The following SNX29 variants were observed in gnomAD, a reference collection of about 807,000 sequenced individuals.
SNX29 encodes sorting nexin-29.
Under a neutral mutation model 102.1 loss-of-function variants are expected in SNX29, and 78 were observed. The observed-to-expected ratio is 0.76, with a 90% CI of 0.64 to 0.92. The LOEUF (loss-of-function observed/expected upper bound fraction) is 0.92. Among genes scored for constraint, SNX29 ranks in the 40% least tolerant of loss-of-function variants. SNX29 has a pLI of 0.00. For synonymous variants in SNX29, 580 were observed against 414.5 expected, an observed-to-expected ratio of 1.40 and a Z score of -4.85; for missense variants, 1,280 against 1,061.7, an observed-to-expected ratio of 1.21 and a Z score of -2.86.
In SNX29 at chr16:12,573,751, T is replaced by C; in HGVS notation, c.*5122T>C. 4.5e-6 allele frequency: 1 copy of C among 223,122 alleles called. No individual in the cohort carries two copies. Among genetic ancestry groups the C allele is most frequent in the East Asian group, 6.5e-5 (1 of 15,360 alleles). 13.8% of individuals were successfully genotyped at this position (223,122 alleles called of 1,614,324 possible). A position where few individuals can be genotyped will look rare whatever the true frequency, so the allele number is the denominator to read the frequency against. On this transcript the variant is annotated 3_prime_UTR_variant, in exon 21 of 21. Transcript: ENST00000566228. ...TGGATCGTACATTTGCACCCAGAGC[T>C]ACTAAACGCTCAGTGACCCCAGAGA...
chr16:12,499,241 G>T (rs1019175051), intron 19 of SNX29, among the ~76,000 whole-genome samples: 2 of 152,202 alleles, frequency 1.3e-5, no homozygotes, highest in African/African-American at 4.8e-5. Context: ...TGGCAGGCAG[G>T]TCATGCATTT....
At chr16:12,327,702 T>G (rs762869684) in intron 15 of SNX29, among the ~76,000 whole-genome samples, 1 of 150,170 alleles carries the variant, frequency 6.7e-6, no homozygotes, top group Non-Finnish European at 1.5e-5. Context: ...TAGATGGAGT[T>G]GCTTGGCACA....
intron 1 of SNX29, among the ~76,000 whole-genome samples, chr16:11,989,624 C>G (rs1290138776): frequency 5.3e-5 from 8 of 152,212 alleles, no homozygotes; most frequent in African/African-American, 1.4e-4. Context: ...AAAGTAGCAA[C>G]TTGGGGAGCC....
At chr16:12,192,757 C>T (rs1400186857) in intron 13 of SNX29, among the ~76,000 whole-genome samples, 11 of 152,144 alleles carry the variant, frequency 7.2e-5, no homozygotes. Context: ...GGCTGGAGTT[C>T]AATGGCACGA....
At chr16:12,158,288 C>G (rs2055639429) in intron 13 of SNX29, among the ~76,000 whole-genome samples, 1 of 152,142 alleles carries the variant, frequency 6.6e-6, no homozygotes, top group South Asian at 2.1e-4. Context: ...CAATCTCCGC[C>G]TCCAGGGTTC....
intron 17 of SNX29, among the ~76,000 whole-genome samples, chr16:12,402,012 T>G (rs927490854): frequency 7.9e-5 from 12 of 152,244 alleles, no homozygotes; most frequent in African/African-American, 2.4e-4. Context: ...GTGCTACTTA[T>G]ATTTCTGCCT....
chr16:12,074,077 T>C (rs1413915531), intron 10 of SNX29, among the ~76,000 whole-genome samples: 3 of 151,988 alleles, frequency 2.0e-5, no homozygotes, highest in African/African-American at 7.2e-5. Flanking sequence ...GCACGTGAGA[T>C]GGGTTTCCTG....
intron 15 of SNX29, among the ~76,000 whole-genome samples, chr16:12,318,738 G>C (rs1302361752): frequency 3.3e-5 from 5 of 151,796 alleles, no homozygotes; most frequent in Non-Finnish European, 5.9e-5. Flanking sequence ...CAGGGAGAAG[G>C]CTTAGAAATT....
intron 12 of SNX29, among the ~76,000 whole-genome samples, chr16:12,127,375 C>T (rs150061835): frequency 5.3e-5 from 8 of 152,024 alleles, no homozygotes; most frequent in East Asian, 1.9e-4. Flanking sequence ...TCATCACCCC[C>T]GAAAGAAGTC....
chr16:12,547,071 CAGACATGCCTATGTGAGGT>C (rs1459815184), intron 20 of SNX29, among the ~76,000 whole-genome samples: 1 of 152,160 alleles, frequency 6.6e-6, no homozygotes, highest in Non-Finnish European at 1.5e-5. Flanking sequence ...AATAGTGAGG[CAGACATGCCTATGTGAGGT>C]GGCGATTTCC....
At chr16:12,530,773 C>G (rs771749622) in intron 20 of SNX29, among the ~76,000 whole-genome samples, 6 of 152,180 alleles carry the variant, frequency 3.9e-5, no homozygotes, top group East Asian at 1.9e-4. Flanking sequence ...CCAGGAGTGT[C>G]TCAAACTCCT....
chr16:12,255,038 A>G (rs1415550997), intron 14 of SNX29, among the ~76,000 whole-genome samples: 1 of 152,194 alleles, frequency 6.6e-6, no homozygotes. Flanking sequence ...ATTGACAACA[A>G]CTGTGTATCT....
Position 12,158,234 on chromosome 16 carries a change from C to G in SNX29, c.1595+28476C>G, listed in dbSNP as rs562603899. 2.6e-5 allele frequency among the ~76,000 whole-genome samples: 4 copies of G among 152,240 alleles called. No homozygotes were observed. The South Asian group carries it at 8.3e-4, about 32-fold the overall frequency. On this transcript the variant is annotated intron_variant, in intron 13 of 20. Transcript: ENST00000566228. ...TTATTTTTTGAGAGAGGGTCTCGCT[C>G]TGGCACCCAGGCTGGAGTGCAGTGG...
Position 12,570,949 on chromosome 16 carries a change from A to G in SNX29, c.*2320A>G, listed in dbSNP as rs2079174856. 2 of 231,856 alleles carry G rather than the reference A, an allele frequency of 8.6e-6. No individual in the cohort carries two copies. Among genetic ancestry groups the G allele is most frequent in the Non-Finnish European group, 8.5e-6 (1 of 117,298 alleles). 14.4% of individuals were successfully genotyped at this position (231,856 alleles called of 1,614,324 possible). A position where few individuals can be genotyped will look rare whatever the true frequency, so the allele number is the denominator to read the frequency against. ...GCATGTTCCTGGGAGCCACATGGGG[A>G]CCATCCCCAGCTGCCTGCTCCTGGT... On this transcript the variant is annotated 3_prime_UTR_variant, in exon 21 of 21. Coordinates refer to ENST00000566228, the MANE Select transcript of SNX29 (RefSeq NM_032167.5).
At position 12,570,240 on chromosome 16, in the gene SNX29, C is replaced by T. The variant is rs1278344617; in HGVS notation, c.*1611C>T. 1 of 1,065,178 alleles carries T rather than the reference C, an allele frequency of 9.4e-7. No homozygotes were observed. The highest frequency in any genetic ancestry group is 1.1e-6 in the Non-Finnish European group (1 of 879,292). The allele number at this position is 1,065,178 out of a possible 1,614,324, so 66.0% of individuals were successfully genotyped here. On this transcript the variant is annotated 3_prime_UTR_variant, in exon 21 of 21. Coordinates refer to ENST00000566228, the MANE Select transcript of SNX29 (RefSeq NM_032167.5). Reference sequence around the variant, plus strand: ...CCAGATAAGCCCTGCCCCGGTGAGACCAAATGAGCTGGAGCATGTATGGAG... The same window carrying T: ...CCAGATAAGCCCTGCCCCGGTGAGATCAAATGAGCTGGAGCATGTATGGAG...
intron 18 of SNX29, among the ~76,000 whole-genome samples, chr16:12,466,680 G>T (rs1597480790): frequency 6.6e-6 from 1 of 152,168 alleles, no homozygotes; most frequent in Non-Finnish European, 1.5e-5. Context: ...ATGAACCAAA[G>T]CATGGATAGT....
chr16:12,233,770 C>T (rs1174333357), intron 14 of SNX29, among the ~76,000 whole-genome samples: 1 of 152,116 alleles, frequency 6.6e-6, no homozygotes, highest in Non-Finnish European at 1.5e-5. Context: ...TCACTCTCCA[C>T]CCCAGGGCCT....
In SNX29 at chr16:12,295,174, G is replaced by T. The variant is rs534141207; in HGVS notation, c.1782+17138G>T. Among the ~76,000 whole-genome samples the T allele has an allele frequency of 2.0e-5, 3 of 152,172 alleles. No individual in the cohort carries two copies. In the South Asian group the frequency reaches 6.2e-4, roughly 32 times the overall value. On this transcript the variant is annotated intron_variant, in intron 15 of 20. Coordinates refer to ENST00000566228, the MANE Select transcript of SNX29 (RefSeq NM_032167.5). ...GGAGCTACAAGTCAAGATGAGATTT[G>T]GGCCGGGGCACACCTAAACCATATC...
chr16:12,278,086 G>A, intron 15 of SNX29, 50 bp downstream of exon 15: 1 of 1,512,844 alleles, frequency 6.6e-7, no homozygotes, highest in Non-Finnish European at 9.0e-7. Flanking sequence ...TGGCTGCGTT[G>A]GAGACTTTCC....
Sources: allele counts gnomAD v4.1 joint callset (sites outside exome capture counted in the v4.1 genomes callset), GRCh38; gene constraint gnomAD v4.1.1; transcripts MANE v1.5; gene names NCBI Gene and HGNC (gene_info 2026-07-23, HGNC 2026-07-21).